Variants in PREX1 observed in about 807,000 individuals in gnomAD.
The protein encoded by PREX1 is phosphatidylinositol 3,4,5-trisphosphate-dependent Rac exchanger 1 protein.
In PREX1, 41 loss-of-function variants were observed where a neutral mutation model predicts 198.3. The observed-to-expected ratio is 0.21, with a 90% CI of 0.16 to 0.27. The LOEUF (loss-of-function observed/expected upper bound fraction) is 0.27, where lower values mean the gene tolerates loss of function less well. PREX1 is among the 10% of genes least tolerant of loss of function. PREX1 has a pLI of 1.00. For missense variants in PREX1, 1,620 were observed against 2,200.7 expected (o/e 0.74, Z 5.28); for synonymous variants, 843 against 887.2 (o/e 0.95, Z 0.89).
chr20:48,665,134 C>A (rs1020370789), intron 15 of PREX1, among the ~76,000 whole-genome samples: 3 of 150,588 alleles, frequency 2.0e-5, no homozygotes, highest in African/African-American at 7.4e-5. Context: ...CCCCAGACGG[C>A]CTGAATTCTA....
intron 4 of PREX1, among the ~76,000 whole-genome samples, chr20:48,729,718 CCCA>C (rs1435885299): frequency 3.9e-5 from 6 of 152,322 alleles, no homozygotes; most frequent in Admixed American, 1.3e-4. Context: ...AACCACCTCT[CCCA>C]CCACAACCAC....
At chr20:48,801,247 G>A (rs191565001) in intron 1 of PREX1, among the ~76,000 whole-genome samples, 6 of 152,292 alleles carry the variant, frequency 3.9e-5, no homozygotes, top group African/African-American at 7.2e-5. Flanking sequence ...TGCGAGCTGC[G>A]TAAGCACCAA....
intron 27 of PREX1, 56 bp downstream of exon 27, chr20:48,644,353 A>C: frequency 7.0e-7 from 1 of 1,428,556 alleles, no homozygotes; most frequent in Admixed American, 1.8e-5. Context: ...ACTAAAACTA[A>C]ATCTCATGGG....
At chr20:48,626,639 A>T (rs1231516559) in intron 39 of PREX1, among the ~76,000 whole-genome samples, 1 of 152,216 alleles carries the variant, frequency 6.6e-6, no homozygotes, top group Non-Finnish European at 1.5e-5. Flanking sequence ...GCCACTCGTG[A>T]GACACAAACA....
chr20:48,638,442 A>T (rs1235559065), intron 30 of PREX1, among the ~76,000 whole-genome samples: 1 of 152,214 alleles, frequency 6.6e-6, no homozygotes. Context: ...CAATTCTTCC[A>T]GGCCCAACAT....
At chr20:48,796,005 G>A (rs752742351) in intron 1 of PREX1, among the ~76,000 whole-genome samples, 1 of 152,206 alleles carries the variant, frequency 6.6e-6, no homozygotes, top group East Asian at 1.9e-4. Flanking sequence ...CTGGAAAGCT[G>A]CACACCAGCC....
the PREX1 span, among the ~76,000 whole-genome samples, chr20:48,883,923 G>A: frequency 5.1e-4 from 77 of 152,116 alleles, no homozygotes; most frequent in African/African-American, 1.5e-3. Context: ...GGCAGATCAC[G>A]AGGTCAGCAG....
chr20:48,734,484 C>T (rs2090048230), intron 4 of PREX1, 62 bp downstream of exon 4: 1 of 1,422,136 alleles, frequency 7.0e-7, no homozygotes, highest in Non-Finnish European at 9.9e-7. Flanking sequence ...TCCTCTTGTG[C>T]CCAGATTCCA....
At chr20:48,859,403 T>A in the PREX1 span, among the ~76,000 whole-genome samples, 3 of 152,234 alleles carry the variant, frequency 2.0e-5, no homozygotes, top group South Asian at 6.2e-4. Flanking sequence ...AAATGCCCCA[T>A]GAAGATTCTC....
chr20:48,647,416 G>T (rs926259079), intron 25 of PREX1, among the ~76,000 whole-genome samples: 1 of 151,398 alleles, frequency 6.6e-6, no homozygotes, highest in African/African-American at 2.4e-5. Context: ...AGCTACTTGG[G>T]AGGCTGAGGC....
chr20:48,805,312 C>T (rs908385722), intron 1 of PREX1, among the ~76,000 whole-genome samples: 15 of 152,350 alleles, frequency 9.8e-5, no homozygotes, highest in African/African-American at 3.4e-4. Context: ...AGATAAGAAA[C>T]TGAGGCTCAG....
upstream of PREX1, among the ~76,000 whole-genome samples, chr20:48,832,039 A>G (rs1053443959): frequency 1.3e-5 from 2 of 151,598 alleles, no homozygotes; most frequent in African/African-American, 4.9e-5. Context: ...TATCTGTCTC[A>G]TGTGTATGTC....
intron 1 of PREX1, among the ~76,000 whole-genome samples, chr20:48,824,304 G>A (rs140438801): frequency 6.6e-6 from 1 of 152,258 alleles, no homozygotes; most frequent in African/African-American, 2.4e-5. Flanking sequence ...GGGGAAAGAT[G>A]GGAAGATTCT....
the PREX1 span, among the ~76,000 whole-genome samples, chr20:48,857,670 G>A: frequency 3.3e-5 from 5 of 152,130 alleles, no homozygotes; most frequent in Non-Finnish European, 7.4e-5. Flanking sequence ...TTACTCGGGA[G>A]GCTGAGGTGG....
At chr20:48,698,543 C>T (rs2089858778) in intron 7 of PREX1, among the ~76,000 whole-genome samples, 1 of 151,984 alleles carries the variant, frequency 6.6e-6, no homozygotes, top group Non-Finnish European at 1.5e-5. Flanking sequence ...AAGAAGGGGG[C>T]GTTCATGAGG....
the PREX1 span, among the ~76,000 whole-genome samples, chr20:48,834,913 C>T: frequency 3.2e-4 from 48 of 152,014 alleles, no homozygotes; most frequent in Admixed American, 6.6e-4. Flanking sequence ...CCTGCCACCA[C>T]GCCCAGGTAA....
At chr20:48,752,790 G>C (rs564420734) in intron 1 of PREX1, among the ~76,000 whole-genome samples, 1 of 152,052 alleles carries the variant, frequency 6.6e-6, no homozygotes, top group Admixed American at 6.5e-5. Flanking sequence ...AATCAGTCTC[G>C]GGTCATGTTC....
At chr20:48,651,912 C>T (rs982989081) in intron 21 of PREX1, among the ~76,000 whole-genome samples, 12 of 152,188 alleles carry the variant, frequency 7.9e-5, no homozygotes, top group Admixed American at 7.2e-4. Flanking sequence ...CTACTGCCAC[C>T]GTCCTGGTAA....
At chr20:48,773,717 C>G (rs2090247974) in intron 1 of PREX1, among the ~76,000 whole-genome samples, 1 of 152,168 alleles carries the variant, frequency 6.6e-6, no homozygotes, top group Non-Finnish European at 1.5e-5. Context: ...GAGACTTAAC[C>G]AGGAGCCAGA....
Sources: gnomAD v4.1 joint callset for allele counts (sites outside exome capture counted in the v4.1 genomes callset) on GRCh38, gnomAD v4.1.1 for gene constraint, MANE v1.5 for transcripts, NCBI Gene and HGNC (gene_info 2026-07-23, HGNC 2026-07-21) for gene names.